The following KCNH5 variants were observed in gnomAD, a reference collection of about 807,000 sequenced individuals.
KCNH5 encodes potassium voltage-gated channel subfamily H member 5.
Under a neutral mutation model 96.1 loss-of-function variants are expected in KCNH5, and 46 were observed. The ratio of observed to expected loss-of-function variants is 0.48; its 90% confidence interval spans 0.38 to 0.61. The LOEUF is 0.61. Among genes scored for constraint, KCNH5 ranks in the 20% least tolerant of loss-of-function variants. The pLI, the probability that KCNH5 is intolerant of heterozygous loss-of-function variation, is 0.00. For missense variants in KCNH5, 907 were observed against 1,225.8 expected (o/e 0.74, Z 3.88); for synonymous variants, 439 against 449.8 (o/e 0.98, Z 0.30).
chr14:63,045,027 C>A, intron 1 of KCNH5, 87 bp downstream of exon 1: 1 of 1,088,734 alleles, frequency 9.2e-7, no homozygotes, highest in South Asian at 1.3e-5. Flanking sequence ...CCTCCTCCCC[C>A]CTTGGGAGAG....
At chr14:62,941,217 T>C (rs1889783730) in intron 7 of KCNH5, among the ~76,000 whole-genome samples, 1 of 152,180 alleles carries the variant, frequency 6.6e-6, no homozygotes, top group South Asian at 2.1e-4. Context: ...TCAGGCTAGT[T>C]AATAGGCTAT....
At chr14:62,963,190 T>G (rs1890245232) in intron 6 of KCNH5, among the ~76,000 whole-genome samples, 1 of 152,120 alleles carries the variant, frequency 6.6e-6, no homozygotes, top group Non-Finnish European at 1.5e-5. Context: ...ATTATAGTAA[T>G]TCTTCTATGT....
At chr14:62,798,825 C>T (rs1048838055) in intron 9 of KCNH5, among the ~76,000 whole-genome samples, 1 of 152,138 alleles carries the variant, frequency 6.6e-6, no homozygotes, top group Non-Finnish European at 1.5e-5. Context: ...TGTTTAGTGG[C>T]AAGAATCCAA....
At chr14:62,759,949 C>T (rs1028039680) in intron 10 of KCNH5, among the ~76,000 whole-genome samples, 3 of 152,176 alleles carry the variant, frequency 2.0e-5, no homozygotes, top group African/African-American at 7.2e-5. Flanking sequence ...CTTTTCTCCC[C>T]ACCTGCATCC....
chr14:62,804,844 C>T (rs1387754), intron 8 of KCNH5, among the ~76,000 whole-genome samples: 90,767 of 152,002 alleles, frequency 0.6, 27,611 homozygotes, highest in East Asian at 0.86. Flanking sequence ...TAGCTCTTAT[C>T]ATCACTACGG....
intron 7 of KCNH5, among the ~76,000 whole-genome samples, chr14:62,911,671 TAAG>T (rs1474620795): frequency 6.7e-6 from 1 of 149,792 alleles, no homozygotes. Context: ...ATTTTGTATA[TAAG>T]AAAAAAACAT....
chr14:62,921,431 T>G lies in KCNH5; in HGVS notation c.1369+28702A>C, dbSNP rs144483627. On this transcript the variant is annotated intron_variant, in intron 7 of 10. Coordinates refer to ENST00000322893, the MANE Select transcript of KCNH5 (RefSeq NM_139318.5). ...GAATGCATAATGTCTAACAGACCAT[T>G]AAGTAATGGGAAGAAAATGCCAAGT... is the stretch of plus-strand genomic sequence containing the variant. 3.3e-4 allele frequency among the ~76,000 whole-genome samples: 51 copies of G among 152,258 alleles called. No homozygotes were observed. In the East Asian group the frequency reaches 9.4e-3, roughly 28 times the overall value.
At chr14:62,755,340 T>A (rs570624421) in intron 10 of KCNH5, among the ~76,000 whole-genome samples, 1 of 151,874 alleles carries the variant, frequency 6.6e-6, no homozygotes, top group Admixed American at 6.6e-5. Context: ...CTAGAAGAAA[T>A]AGATAAATGT....
intron 4 of KCNH5, among the ~76,000 whole-genome samples, chr14:63,000,944 G>T (rs760390508): frequency 1.3e-5 from 2 of 152,102 alleles, no homozygotes; most frequent in Non-Finnish European, 2.9e-5. Flanking sequence ...GTATGGTGGC[G>T]CACACCTATA....
chr14:62,832,312 T>C lies in KCNH5; in HGVS notation c.1569+17341A>G, dbSNP rs141914937. Among the ~76,000 whole-genome samples, 242 of 128,406 alleles carry C rather than the reference T, an allele frequency of 1.9e-3. 3 individuals are homozygous for C. The East Asian group carries it at 0.038, about 20-fold the overall frequency. The allele number at this position is 128,406 out of a possible 152,430, so 84.2% of individuals were successfully genotyped here. A position where few individuals can be genotyped will look rare whatever the true frequency, so the allele number is the denominator to read the frequency against. ...ACTCCCCATTTTCCTCCTCTGTTTC[T>C]ATGTGTTTGACTACTTTAGATACCT... is the stretch of plus-strand genomic sequence containing the variant. On this transcript the variant is annotated intron_variant, in intron 8 of 10. Coordinates refer to ENST00000322893, the MANE Select transcript of KCNH5 (RefSeq NM_139318.5).
At chr14:62,924,002 CA>C (rs1489555133) in intron 7 of KCNH5, among the ~76,000 whole-genome samples, 1 of 151,618 alleles carries the variant, frequency 6.6e-6, no homozygotes, top group Non-Finnish European at 1.5e-5. Flanking sequence ...TTCTGCACAG[CA>C]AAAGAAACAA....
intron 9 of KCNH5, among the ~76,000 whole-genome samples, chr14:62,798,574 G>T (rs902855907): frequency 6.6e-6 from 1 of 152,178 alleles, no homozygotes; most frequent in Non-Finnish European, 1.5e-5. Flanking sequence ...TCAGAAAAAG[G>T]TGGAGGTGTA....
intron 10 of KCNH5, among the ~76,000 whole-genome samples, chr14:62,734,971 G>C (rs1885126918): frequency 2.0e-5 from 3 of 152,124 alleles, no homozygotes; most frequent in Admixed American, 1.3e-4. Context: ...GACAGTGCCA[G>C]TAAAGTCTTG....
intron 7 of KCNH5, among the ~76,000 whole-genome samples, chr14:62,913,428 A>C (rs1469039617): frequency 6.6e-6 from 1 of 152,150 alleles, no homozygotes; most frequent in African/African-American, 2.4e-5. Context: ...GGGTTTTACC[A>C]TATTGTCCAG....
chr14:62,754,442 G>A (rs528656678), intron 10 of KCNH5, among the ~76,000 whole-genome samples: 13 of 151,806 alleles, frequency 8.6e-5, no homozygotes, highest in East Asian at 3.9e-4. Context: ...GTCAGAAGAC[G>A]TAGAGTGGCT....
intron 1 of KCNH5, among the ~76,000 whole-genome samples, chr14:63,037,264 C>G (rs1891738597): frequency 6.6e-6 from 1 of 152,024 alleles, no homozygotes; most frequent in Non-Finnish European, 1.5e-5. Context: ...AGTGTCAGAG[C>G]CAGGACTCTA....
At chr14:63,016,377 C>T (rs2139607137) in intron 2 of KCNH5, among the ~76,000 whole-genome samples, 1 of 152,148 alleles carries the variant, frequency 6.6e-6, no homozygotes, top group South Asian at 2.1e-4. Flanking sequence ...GTACATGTGG[C>T]TTACACAGGA....
chr14:62,952,867 C>A (rs1890033727), intron 6 of KCNH5, among the ~76,000 whole-genome samples: 1 of 152,082 alleles, frequency 6.6e-6, no homozygotes, highest in South Asian at 2.1e-4. Flanking sequence ...CAGGCCTGCT[C>A]TGGATTCTGC....
intron 2 of KCNH5, among the ~76,000 whole-genome samples, chr14:63,016,290 A>G (rs1891325403): frequency 6.6e-6 from 1 of 151,944 alleles, no homozygotes; most frequent in South Asian, 2.1e-4. Context: ...GAAATGGCAT[A>G]TTTGTTTAAA....
Sources: gnomAD v4.1 joint callset for allele counts (sites outside exome capture counted in the v4.1 genomes callset) on GRCh38, gnomAD v4.1.1 for gene constraint, MANE v1.5 for transcripts, NCBI Gene and HGNC (gene_info 2026-07-23, HGNC 2026-07-21) for gene names.